The following SSBP3 variants were observed in gnomAD, a reference collection of about 807,000 sequenced individuals.
SSBP3 encodes the protein single stranded DNA binding protein 3.
SSBP3 carries 5 observed loss-of-function variants against 69.6 expected under a neutral mutation model. The ratio of observed to expected loss-of-function variants is 0.07; its 90% CI spans 0.04 to 0.15. The LOEUF is 0.15. SSBP3 is among the 10% of genes least tolerant of loss of function. The probability of loss-of-function intolerance (pLI) is 1.00; values close to 1 mark genes in which losing one functional copy is unlikely to be tolerated. For missense variants in SSBP3, 312 were observed against 534.0 expected (o/e 0.58, Z 4.10); for synonymous variants, 196 against 193.4 (o/e 1.01, Z -0.11).
chr1:54,247,474 C>A (rs1448141001), intron 9 of SSBP3, among the ~76,000 whole-genome samples: 1 of 152,140 alleles, frequency 6.6e-6, no homozygotes, highest in Non-Finnish European at 1.5e-5. Flanking sequence ...TCGGGGTGCT[C>A]AGGACCAGGA....
intron 4 of SSBP3, among the ~76,000 whole-genome samples, chr1:54,364,320 C>T (rs778197928): frequency 7.2e-5 from 11 of 152,190 alleles, no homozygotes; most frequent in Non-Finnish European, 1.3e-4. Context: ...GTGTCAAGTA[C>T]ATTCCATCAC....
chr1:54,255,012 T>C (rs1275467130), intron 7 of SSBP3, among the ~76,000 whole-genome samples: 1 of 152,070 alleles, frequency 6.6e-6, no homozygotes, highest in Non-Finnish European at 1.5e-5. Context: ...TTTGGATTTT[T>C]AGTAGAGACA....
intron 4 of SSBP3, among the ~76,000 whole-genome samples, chr1:54,379,780 C>T (rs1281348894): frequency 6.6e-6 from 1 of 152,206 alleles, no homozygotes; most frequent in East Asian, 1.9e-4. Context: ...CTGGACATCA[C>T]TCCATTCGCC....
intron 7 of SSBP3, chr1:54,255,462 AAC>A (rs1303042388): frequency 1.3e-5 from 2 of 152,174 alleles, no homozygotes; most frequent in Non-Finnish European, 2.9e-5. Flanking sequence ...ATGGGTTAAA[AAC>A]ACAGATGGGG....
intron 14 of SSBP3, among the ~76,000 whole-genome samples, chr1:54,232,071 G>C (rs1644388980): frequency 6.6e-6 from 1 of 152,158 alleles, no homozygotes; most frequent in Non-Finnish European, 1.5e-5. Context: ...TGGATATTCA[G>C]TTGTCTCAGC....
chr1:54,396,288 C>G (rs1648880970), intron 4 of SSBP3, among the ~76,000 whole-genome samples: 1 of 150,868 alleles, frequency 6.6e-6, no homozygotes, highest in African/African-American at 2.4e-5. Context: ...GAGCTCCCAG[C>G]AACATGTATT....
chr1:54,404,705 CA>C (rs1201949077), intron 2 of SSBP3, 68 bp from the exon 3 acceptor site: 186 of 1,572,122 alleles, frequency 1.2e-4, no homozygotes, highest in Non-Finnish European at 1.5e-4. Context: ...TTCCCAGAGC[CA>C]AAAGGCTAGG....
intron 4 of SSBP3, among the ~76,000 whole-genome samples, chr1:54,319,386 A>C (rs1291376578): frequency 6.6e-6 from 1 of 151,324 alleles, no homozygotes; most frequent in Non-Finnish European, 1.5e-5. Flanking sequence ...TTGCAGAGTG[A>C]CCCGCTCTGC....
intron 4 of SSBP3, among the ~76,000 whole-genome samples, chr1:54,358,272 G>A (rs11807290): frequency 0.044 from 6,697 of 152,144 alleles, 334 homozygotes; most frequent in African/African-American, 0.12. Flanking sequence ...TACTCTGACC[G>A]GGCTCCATTT....
intron 4 of SSBP3, among the ~76,000 whole-genome samples, chr1:54,369,848 C>T (rs1355137082): frequency 4.7e-5 from 7 of 149,492 alleles, no homozygotes; most frequent in Non-Finnish European, 1.0e-4. Flanking sequence ...GTACCCTCGA[C>T]GGTATCCTGG....
At chr1:54,259,491 G>C (rs1321658484) in intron 5 of SSBP3, among the ~76,000 whole-genome samples, 1 of 152,230 alleles carries the variant, frequency 6.6e-6, no homozygotes, top group East Asian at 1.9e-4. Context: ...TGATGCCAGG[G>C]ATGAGGAGAC....
At chr1:54,247,108 G>A (rs900709493) in intron 9 of SSBP3, among the ~76,000 whole-genome samples, 1 of 152,232 alleles carries the variant, frequency 6.6e-6, no homozygotes, top group Non-Finnish European at 1.5e-5. Context: ...CACTCCGCCA[G>A]GTCCACAGTG....
chr1:54,340,019 C>T (rs552230921), intron 4 of SSBP3, among the ~76,000 whole-genome samples: 2 of 152,054 alleles, frequency 1.3e-5, no homozygotes, highest in South Asian at 4.2e-4. Context: ...GGAGCAGGAC[C>T]CCATGCTTCT....
At chr1:54,369,524 T>G (rs1470988583) in intron 4 of SSBP3, among the ~76,000 whole-genome samples, 1 of 152,056 alleles carries the variant, frequency 6.6e-6, no homozygotes, top group Non-Finnish European at 1.5e-5. Context: ...GAACCACTAG[T>G]TAGGTGACCG....
At chr1:54,371,400 C>T (rs1380759509) in intron 4 of SSBP3, among the ~76,000 whole-genome samples, 1 of 152,198 alleles carries the variant, frequency 6.6e-6, no homozygotes, top group Non-Finnish European at 1.5e-5. Context: ...TGATGACTTG[C>T]TTCAGAAGGC....
chr1:54,371,992 A>C (rs959776444), intron 4 of SSBP3, among the ~76,000 whole-genome samples: 7 of 152,122 alleles, frequency 4.6e-5, no homozygotes, highest in Admixed American at 4.6e-4. Context: ...TTTACAGATA[A>C]GGAAACTGAG....
At chr1:54,308,574 C>A (rs1645941568) in intron 4 of SSBP3, among the ~76,000 whole-genome samples, 1 of 149,606 alleles carries the variant, frequency 6.7e-6, no homozygotes, top group South Asian at 2.1e-4. Context: ...GCACTCCAGC[C>A]TGGCCGACAG....
chr1:54,277,351 A>G (rs1219445213), intron 5 of SSBP3, among the ~76,000 whole-genome samples: 4 of 152,094 alleles, frequency 2.6e-5, no homozygotes, highest in Admixed American at 2.6e-4. Context: ...TTTAGATAAG[A>G]GTTATGGTTT....
At chr1:54,283,224 C>T in intron 4 of SSBP3, among the ~76,000 whole-genome samples, 1 of 148,918 alleles carries the variant, frequency 6.7e-6, no homozygotes, top group East Asian at 2.0e-4. Context: ...GCCAAGATTG[C>T]ACCACTGCAC....
Sources: allele counts gnomAD v4.1 joint callset (sites outside exome capture counted in the v4.1 genomes callset), GRCh38; gene constraint gnomAD v4.1.1; transcripts MANE v1.5; gene names NCBI Gene and HGNC (gene_info 2026-07-23, HGNC 2026-07-21).